Variants in NUP62CL observed in about 807,000 individuals in gnomAD.
NUP62CL encodes nucleoporin-62 C-terminal-like protein.
A neutral mutation model predicts 15.3 loss-of-function variants in NUP62CL; 13 were observed. The ratio of observed to expected loss-of-function variants is 0.85; its 90% CI spans 0.55 to 1.35. The LOEUF is 1.35. NUP62CL is among the 40% of genes most tolerant of loss of function. NUP62CL has a pLI of 0.00. For missense variants in NUP62CL, 123 were observed against 130.6 expected, an observed-to-expected ratio of 0.94 and a Z score of 0.28; for synonymous variants, 54 against 49.2, an observed-to-expected ratio of 1.10 and a Z score of -0.41.
intron 2 of NUP62CL, among the ~76,000 whole-genome samples, chrX:107,176,566 T>A (rs1375626392): frequency 2.7e-4 from 30 of 109,275 alleles, no homozygotes; most frequent in African/African-American, 9.7e-4. Context: ...GGGTTTTTTT[T>A]TTTGTCGGGG....
At chrX:107,161,716 G>A (rs762996084) in intron 4 of NUP62CL, among the ~76,000 whole-genome samples, 2,917 of 91,705 alleles carry the variant, frequency 0.032, 167 homozygotes, top group African/African-American at 0.11. Context: ...CATGGCACAC[G>A]TATACATATG....
chrX:107,128,131 A>G (rs1925430284), intron 8 of NUP62CL, among the ~76,000 whole-genome samples: 1 of 112,274 alleles, frequency 8.9e-6, no homozygotes, highest in Non-Finnish European at 1.9e-5. Flanking sequence ...AACTTCTAAG[A>G]ATTTTATTTA....
intron 5 of NUP62CL, among the ~76,000 whole-genome samples, chrX:107,153,747 C>T (rs776919894): frequency 9.0e-6 from 1 of 111,679 alleles, no homozygotes; most frequent in Admixed American, 9.5e-5. Flanking sequence ...GCAGGAGGAT[C>T]ACTTGAGCCT....
intron 4 of NUP62CL, among the ~76,000 whole-genome samples, chrX:107,162,331 T>A (rs944708493): frequency 1.4e-4 from 16 of 111,012 alleles, no homozygotes; most frequent in Non-Finnish European, 2.6e-4. Context: ...AAAAAAAGAT[T>A]GAAAACTCTC....
chrX:107,135,101 T>C (rs1039461462), intron 8 of NUP62CL, among the ~76,000 whole-genome samples: 4 of 111,705 alleles, frequency 3.6e-5, no homozygotes, highest in Non-Finnish European at 7.5e-5. Flanking sequence ...TTCCCCCTTA[T>C]GTATGTATAG....
intron 8 of NUP62CL, among the ~76,000 whole-genome samples, chrX:107,144,602 T>C (rs929353709): frequency 3.6e-5 from 4 of 112,093 alleles, no homozygotes; most frequent in Admixed American, 9.4e-5. Context: ...TCCTCAACTC[T>C]ACCCGAGAAG....
chrX:107,127,796 T>C (rs1925423955), intron 8 of NUP62CL, among the ~76,000 whole-genome samples: 1 of 111,298 alleles, frequency 9.0e-6, no homozygotes, highest in Non-Finnish European at 1.9e-5. Context: ...AAAAAAATCC[T>C]GAGAGTAAAA....
intron 1 of NUP62CL, among the ~76,000 whole-genome samples, chrX:107,193,896 A>G (rs1927304417): frequency 1.8e-5 from 2 of 111,654 alleles, no homozygotes; most frequent in African/African-American, 6.5e-5. Flanking sequence ...GTGAATGTGA[A>G]AAAGAACCAA....
chrX:107,205,378 T>C (rs1278006958), intron 1 of NUP62CL, among the ~76,000 whole-genome samples: 1 of 112,331 alleles, frequency 8.9e-6, no homozygotes, highest in African/African-American at 3.2e-5. Flanking sequence ...AATTAAGGTA[T>C]TGGTAATTTG....
chrX:107,177,410 A>G (rs911442691), intron 2 of NUP62CL, among the ~76,000 whole-genome samples: 8 of 111,552 alleles, frequency 7.2e-5, no homozygotes, highest in African/African-American at 2.3e-4. Context: ...GAACTTGTGA[A>G]CATATCGCCT....
intron 7 of NUP62CL, chrX:107,150,830 C>T (rs922724087): frequency 5.9e-6 from 2 of 337,262 alleles, no homozygotes; most frequent in Middle Eastern, 4.4e-4. Context: ...TCTTGGTTGC[C>T]TAAGTACACA....
At chrX:107,180,304 C>A (rs908335238) in intron 2 of NUP62CL, among the ~76,000 whole-genome samples, 2 of 111,536 alleles carry the variant, frequency 1.8e-5, no homozygotes, top group Non-Finnish European at 3.8e-5. Context: ...AATTTAGCCA[C>A]AAAAATATAC....
intron 4 of NUP62CL, among the ~76,000 whole-genome samples, chrX:107,162,330 T>C (rs1210637596): frequency 1.8e-5 from 2 of 110,756 alleles, no homozygotes; most frequent in Non-Finnish European, 3.8e-5. Context: ...AAAAAAAAGA[T>C]TGAAAACTCT....
At chrX:107,197,499 A>G (rs1246665863) in intron 1 of NUP62CL, among the ~76,000 whole-genome samples, 1 of 110,405 alleles carries the variant, frequency 9.1e-6, no homozygotes, top group Non-Finnish European at 1.9e-5. Context: ...ACCTCTCCTT[A>G]TCCACACTGC....
chrX:107,206,101 G>C (rs1307417588), intron 1 of NUP62CL, among the ~76,000 whole-genome samples, 172 bp downstream of exon 1: 2 of 110,612 alleles, frequency 1.8e-5, no homozygotes, highest in Admixed American at 9.6e-5. Flanking sequence ...GGGCGTGGAG[G>C]ACTGTAGCAA....
intron 7 of NUP62CL, among the ~76,000 whole-genome samples, chrX:107,152,091 T>TTCAG (rs1926039618): frequency 3.1e-4 from 22 of 71,878 alleles, no homozygotes; most frequent in African/African-American, 1.3e-3. Flanking sequence ...TATATATATA[T>TTCAG]ATATTCAGAT....
At chrX:107,199,421 G>A (rs1927430577) in intron 1 of NUP62CL, among the ~76,000 whole-genome samples, 1 of 112,244 alleles carries the variant, frequency 8.9e-6, no homozygotes, top group Non-Finnish European at 1.9e-5. Flanking sequence ...TCAGCATAAT[G>A]TTTAAGGATT....
At chrX:107,190,312 C>G (rs1225154241) in intron 2 of NUP62CL, among the ~76,000 whole-genome samples, 2 of 112,017 alleles carry the variant, frequency 1.8e-5, no homozygotes, top group Non-Finnish European at 1.9e-5. Flanking sequence ...ATTGTTCCTC[C>G]TGATAAATTT....
chrX:107,130,197 T>A lies in NUP62CL; in HGVS notation c.*43-5865A>T, dbSNP rs185877668. On this transcript the variant is annotated intron_variant, in intron 8 of 8. Coordinates refer to ENST00000372466, the MANE Select transcript of NUP62CL (RefSeq NM_017681.3). The stretch of plus-strand genomic sequence containing the variant: ...CTTGAGTCACCAATAATGGGCTCAG[T>A]GGGTCAAACAGATCCACACCAAAAC... 5.6e-3 allele frequency among the ~76,000 whole-genome samples: 619 copies of A among 110,931 alleles called. 6 individuals are homozygous for A. The highest frequency in any genetic ancestry group is 0.02 in the African/African-American group (600 of 30,459).
Sources: gnomAD v4.1 joint callset for allele counts (sites outside exome capture counted in the v4.1 genomes callset) on GRCh38, gnomAD v4.1.1 for gene constraint, MANE v1.5 for transcripts, NCBI Gene and HGNC (gene_info 2026-07-23, HGNC 2026-07-21) for gene names.